The following B3GLCT variants were observed in gnomAD, a reference collection of about 807,000 sequenced individuals.
B3GLCT encodes the protein beta-1,3-glucosyltransferase.
In B3GLCT, 65 loss-of-function variants were observed where a neutral mutation model predicts 63.4. The observed-to-expected ratio is 1.03, with a 90% confidence interval of 0.84 to 1.26. The LOEUF (loss-of-function observed/expected upper bound fraction) is 1.26. Ranked by LOEUF, B3GLCT falls within the 50% of genes most tolerant of loss-of-function variation. The pLI is 0.00. For synonymous variants in B3GLCT, 233 were observed against 219.2 expected (o/e 1.06, Z -0.55); for missense variants, 577 against 604.8 (o/e 0.95, Z 0.48).
chr13:31,250,755 AC>A (rs1186031252), intron 6 of B3GLCT, among the ~76,000 whole-genome samples: 2 of 152,236 alleles, frequency 1.3e-5, no homozygotes, highest in Non-Finnish European at 2.9e-5. Flanking sequence ...GGGACAGAGA[AC>A]CTGGGGGAAG....
intron 4 of B3GLCT, among the ~76,000 whole-genome samples, chr13:31,235,602 T>C (rs574704242): frequency 3.3e-5 from 5 of 152,282 alleles, no homozygotes; most frequent in Admixed American, 6.5e-5. Context: ...TAATTGGGAC[T>C]GTGGCCTGCG....
intron 4 of B3GLCT, 82 bp from the exon 5 acceptor site, chr13:31,246,938 TTTC>T (rs1871215474): frequency 4.0e-6 from 4 of 1,006,990 alleles, no homozygotes; most frequent in Non-Finnish European, 4.3e-6. Context: ...TCTTTTTTCT[TTTC>T]TTTTCTTTTC....
At chr13:31,233,607 C>G (rs1476226153) in intron 4 of B3GLCT, among the ~76,000 whole-genome samples, 1 of 152,078 alleles carries the variant, frequency 6.6e-6, no homozygotes. Context: ...AAGCTGCTTC[C>G]TTTTAAGGAT....
intron 9 of B3GLCT, 43 bp from the exon 10 acceptor site, chr13:31,276,659 G>A (rs778270237): frequency 4.7e-5 from 60 of 1,267,326 alleles, no homozygotes; most frequent in African/African-American, 3.1e-4. Flanking sequence ...TGAAGTTAAC[G>A]CTGACTCACA....
chr13:31,273,315 C>T (rs1330100980), intron 8 of B3GLCT, among the ~76,000 whole-genome samples: 1 of 152,064 alleles, frequency 6.6e-6, no homozygotes, highest in Non-Finnish European at 1.5e-5. Flanking sequence ...AGGCTGGTCT[C>T]GAACTCCTGA....
chr13:31,294,644 T>G (rs908650445), intron 12 of B3GLCT, among the ~76,000 whole-genome samples: 5 of 152,224 alleles, frequency 3.3e-5, no homozygotes, highest in Non-Finnish European at 7.3e-5. Context: ...TCATGCTGTG[T>G]TTTTCAGCTC....
intron 12 of B3GLCT, among the ~76,000 whole-genome samples, chr13:31,312,007 A>G (rs1231695100): frequency 6.6e-6 from 1 of 152,264 alleles, no homozygotes; most frequent in Non-Finnish European, 1.5e-5. Flanking sequence ...ATTGACAAAA[A>G]GAATATCCTG....
intron 7 of B3GLCT, among the ~76,000 whole-genome samples, chr13:31,263,023 A>T (rs1593282207): frequency 6.6e-6 from 1 of 152,194 alleles, no homozygotes; most frequent in East Asian, 1.9e-4. Context: ...AGTGCTGTTA[A>T]GTGCAGCAGG....
chr13:31,254,027 A>T (rs1454222937), intron 6 of B3GLCT, among the ~76,000 whole-genome samples: 3 of 152,252 alleles, frequency 2.0e-5, no homozygotes, highest in African/African-American at 7.2e-5. Context: ...TAATTGAGGC[A>T]GTAATTAATA....
intron 4 of B3GLCT, among the ~76,000 whole-genome samples, chr13:31,235,653 T>C (rs1870613324): frequency 6.6e-6 from 1 of 152,304 alleles, no homozygotes; most frequent in African/African-American, 2.4e-5. Flanking sequence ...TGCTTCGTTG[T>C]TGCTGGCACC....
intron 1 of B3GLCT, among the ~76,000 whole-genome samples, chr13:31,208,619 G>GCCC (rs11377541): frequency 2.1e-4 from 15 of 71,024 alleles, no homozygotes; most frequent in African/African-American, 5.9e-4. Flanking sequence ...TTCTTTAGTG[G>GCCC]CCCCCCCCCC....
chr13:31,286,645 C>T, intron 11 of B3GLCT, 75 bp from the exon 12 acceptor site: 2 of 1,109,022 alleles, frequency 1.8e-6, no homozygotes, highest in Non-Finnish European at 2.6e-6. Flanking sequence ...CACTTCAAAA[C>T]TAAAAAGAAA....
chr13:31,275,230 A>G (rs1872727695), intron 9 of B3GLCT, among the ~76,000 whole-genome samples: 1 of 152,224 alleles, frequency 6.6e-6, no homozygotes, highest in African/African-American at 2.4e-5. Context: ...TGACTCTAGT[A>G]ATAACAATCA....
intron 12 of B3GLCT, among the ~76,000 whole-genome samples, chr13:31,289,564 C>G (rs1424075697): frequency 6.6e-6 from 1 of 151,898 alleles, no homozygotes; most frequent in African/African-American, 2.4e-5. Context: ...GACTTTTCAG[C>G]AGAAACCTTA....
intron 6 of B3GLCT, among the ~76,000 whole-genome samples, chr13:31,257,917 A>G (rs2181967): frequency 0.37 from 56,655 of 152,062 alleles, 11,297 homozygotes; most frequent in East Asian, 0.72. Flanking sequence ...AACAAAATGG[A>G]CAACATCCCT....
chr13:31,226,743 C>T (rs951339972), intron 3 of B3GLCT, among the ~76,000 whole-genome samples: 3 of 151,646 alleles, frequency 2.0e-5, no homozygotes, highest in Non-Finnish European at 4.4e-5. Context: ...CTAGGATTAA[C>T]CTTTTGATAG....
At chr13:31,318,263 C>T (rs927744884) in intron 13 of B3GLCT, among the ~76,000 whole-genome samples, 4 of 152,046 alleles carry the variant, frequency 2.6e-5, no homozygotes, top group South Asian at 2.1e-4. Flanking sequence ...ACTATTGGTG[C>T]GTGTAGGCAA....
chr13:31,212,394 C>A (rs1020421811), intron 1 of B3GLCT, among the ~76,000 whole-genome samples: 2 of 151,850 alleles, frequency 1.3e-5, no homozygotes, highest in Non-Finnish European at 2.9e-5. Context: ...CCTGCCTCAG[C>A]CTCCCGAGTA....
At chr13:31,251,824 C>T (rs541527703) in intron 6 of B3GLCT, among the ~76,000 whole-genome samples, 79 of 152,230 alleles carry the variant, frequency 5.2e-4, no homozygotes, top group Admixed American at 4.6e-3. Flanking sequence ...ACTTCCCCAA[C>T]GTAGCAAAGC....
Sources: allele counts gnomAD v4.1 joint callset (sites outside exome capture counted in the v4.1 genomes callset), GRCh38; gene constraint gnomAD v4.1.1; transcripts MANE v1.5; gene names NCBI Gene and HGNC (gene_info 2026-07-23, HGNC 2026-07-21).